The following PDGFD variants were observed in gnomAD, a reference collection of about 807,000 sequenced individuals.
The protein encoded by PDGFD is platelet derived growth factor D.
A neutral mutation model predicts 44.7 loss-of-function variants in PDGFD; 30 were observed. The ratio of observed to expected loss-of-function variants is 0.67; its 90% confidence interval spans 0.50 to 0.91. PDGFD has a LOEUF of 0.91. Among genes scored for constraint, PDGFD ranks in the 40% least tolerant of loss-of-function variants. PDGFD has a pLI of 0.00. For missense variants in PDGFD, 445 were observed against 457.8 expected (o/e 0.97, Z 0.25); for synonymous variants, 173 against 168.4 (o/e 1.03, Z -0.21).
intron 1 of PDGFD, among the ~76,000 whole-genome samples, chr11:104,094,285 C>A (rs1463874056): frequency 6.6e-6 from 1 of 152,044 alleles, no homozygotes; most frequent in African/African-American, 2.4e-5. Flanking sequence ...CCTTCCTCCT[C>A]TAACTCGATC....
At chr11:103,923,441 TA>T (rs1432839094) in intron 6 of PDGFD, among the ~76,000 whole-genome samples, 2 of 152,150 alleles carry the variant, frequency 1.3e-5, no homozygotes, top group African/African-American at 4.8e-5. Flanking sequence ...AGCACTGAAA[TA>T]TTTGTGGAGA....
At chr11:104,126,173 C>T (rs1861838766) in intron 1 of PDGFD, among the ~76,000 whole-genome samples, 1 of 152,136 alleles carries the variant, frequency 6.6e-6, no homozygotes. Flanking sequence ...AGTCTACACG[C>T]AATGAATTTG....
rs60621493 is a variant in PDGFD, at chr11:103,909,393, C to CA, written c.*300dup. 38 of 210,862 alleles carry CA rather than the reference C, an allele frequency of 1.8e-4. 1 individual carries two copies. Among genetic ancestry groups the CA allele is most frequent in the East Asian group, 4.0e-4 (4 of 9,916 alleles). The allele number at this position is 210,862 out of a possible 1,614,324, so 13.1% of individuals were successfully genotyped here. A position where few individuals can be genotyped will look rare whatever the true frequency, so the allele number is the denominator to read the frequency against. ...CTCTGGTGTACCTGGTTATATATAC[C>CA]AAAAAAAACATTTGATCTATATACA... On this transcript the variant is annotated 3_prime_UTR_variant, in exon 7 of 7. Transcript: ENST00000393158.
intron 1 of PDGFD, among the ~76,000 whole-genome samples, chr11:104,140,376 G>A (rs1338302897): frequency 6.6e-6 from 1 of 152,002 alleles, no homozygotes; most frequent in African/African-American, 2.4e-5. Context: ...GCAGAGACAA[G>A]TTAAAGAGAT....
chr11:104,103,819 A>T lies in PDGFD; in HGVS notation c.124+59985T>A, dbSNP rs559325917. The stretch of plus-strand genomic sequence containing the variant: ...CATTACATAGTACTTGATAATAATT[A>T]TAAATGACTATGTAACTGGTTTACT... On this transcript the variant is annotated intron_variant, in intron 1 of 6. Coordinates refer to ENST00000393158, the MANE Select transcript of PDGFD (RefSeq NM_025208.5). Among the ~76,000 whole-genome samples the T allele has an allele frequency of 6.1e-4, 93 of 152,286 alleles. No individual in the cohort carries two copies. In the Middle Eastern group the frequency reaches 0.02, roughly 33 times the overall value.
chr11:103,927,451 A>G (rs571006680), intron 5 of PDGFD, among the ~76,000 whole-genome samples: 1 of 152,308 alleles, frequency 6.6e-6, no homozygotes, highest in South Asian at 2.1e-4. Flanking sequence ...GCAAATTAAA[A>G]TAATTGCCTT....
chr11:104,036,022 C>CTACT (rs1025638391), intron 1 of PDGFD, among the ~76,000 whole-genome samples: 1 of 152,156 alleles, frequency 6.6e-6, no homozygotes. Context: ...TCTGACTTTC[C>CTACT]TACTATGCAC....
chr11:103,936,803 T>C (rs1006753525), intron 5 of PDGFD, among the ~76,000 whole-genome samples: 5 of 151,004 alleles, frequency 3.3e-5, no homozygotes, highest in Non-Finnish European at 7.4e-5. Flanking sequence ...AATATTAAAA[T>C]ACTGTTTTTT....
At chr11:103,974,469 T>G (rs1439836473) in intron 3 of PDGFD, among the ~76,000 whole-genome samples, 1 of 152,166 alleles carries the variant, frequency 6.6e-6, no homozygotes, top group East Asian at 1.9e-4. Flanking sequence ...ATTTATTTAT[T>G]TATAATTATA....
chr11:103,954,183 T>G (rs1858801962), intron 3 of PDGFD, among the ~76,000 whole-genome samples: 1 of 152,228 alleles, frequency 6.6e-6, no homozygotes, highest in Non-Finnish European at 1.5e-5. Context: ...ATTGGATATC[T>G]TGGGCCCATG....
intron 5 of PDGFD, 130 bp downstream of exon 5, chr11:103,943,322 T>C: frequency 1.1e-6 from 1 of 871,170 alleles, no homozygotes; most frequent in Non-Finnish European, 1.7e-6. Context: ...AATGTAAATG[T>C]TCCAAAATCC....
chr11:104,152,103 C>G (rs117801827), intron 1 of PDGFD, among the ~76,000 whole-genome samples: 4,119 of 152,242 alleles, frequency 0.027, 75 homozygotes, highest in Middle Eastern at 0.061. Flanking sequence ...CAGAGCACTG[C>G]ATGTAGTCTC....
chr11:104,099,086 A>C (rs1427113759), intron 1 of PDGFD, among the ~76,000 whole-genome samples: 1 of 152,150 alleles, frequency 6.6e-6, no homozygotes, highest in East Asian at 1.9e-4. Context: ...TAGGAGGCGA[A>C]TGTGTTAGTA....
At chr11:104,043,182 C>T (rs1387383882) in intron 1 of PDGFD, among the ~76,000 whole-genome samples, 1 of 152,110 alleles carries the variant, frequency 6.6e-6, no homozygotes, top group Non-Finnish European at 1.5e-5. Context: ...GGAATGGTTC[C>T]TGCTCCCCAT....
In PDGFD at chr11:104,139,916, C is replaced by T. The variant is rs1249399094; in HGVS notation, c.124+23888G>A. On this transcript the variant is annotated intron_variant, in intron 1 of 6. Transcript: ENST00000393158. ...AAAAAAAAAAATACAAAAAATTAGC[C>T]GGGCGCGGTGGCGGGCGCCTGTAGT... is the stretch of plus-strand genomic sequence containing the variant. 3.0e-3 allele frequency among the ~76,000 whole-genome samples: 219 copies of T among 72,350 alleles called. 89 individuals carry two copies. Among genetic ancestry groups the T allele is most frequent in the African/African-American group, 0.016 (196 of 12,542 alleles). 47.5% of individuals were successfully genotyped at this position (72,350 alleles called of 152,430 possible). A position where few individuals can be genotyped will look rare whatever the true frequency, so the allele number is the denominator to read the frequency against.
At chr11:103,972,182 T>C (rs1859114823) in intron 3 of PDGFD, among the ~76,000 whole-genome samples, 1 of 152,134 alleles carries the variant, frequency 6.6e-6, no homozygotes, top group South Asian at 2.1e-4. Context: ...ACACTTCGGG[T>C]TGAATAAGTA....
chr11:103,916,688 CA>C (rs1858131729), intron 6 of PDGFD, among the ~76,000 whole-genome samples: 1 of 152,134 alleles, frequency 6.6e-6, no homozygotes, highest in South Asian at 2.1e-4. Flanking sequence ...GGAACCAACC[CA>C]AATGTCCATC....
At chr11:103,916,139 A>T (rs918644225) in intron 6 of PDGFD, among the ~76,000 whole-genome samples, 1 of 152,210 alleles carries the variant, frequency 6.6e-6, no homozygotes, top group African/African-American at 2.4e-5. Context: ...AAAAACTGTC[A>T]TCAGAGTGAA....
intron 1 of PDGFD, among the ~76,000 whole-genome samples, chr11:104,018,023 G>T (rs1160705089): frequency 6.6e-6 from 1 of 152,078 alleles, no homozygotes; most frequent in Non-Finnish European, 1.5e-5. Context: ...AAATGGGAAT[G>T]GAGGAAGGGA....
Sources: gnomAD v4.1 joint callset for allele counts (sites outside exome capture counted in the v4.1 genomes callset) on GRCh38, gnomAD v4.1.1 for gene constraint, MANE v1.5 for transcripts, NCBI Gene and HGNC (gene_info 2026-07-23, HGNC 2026-07-21) for gene names.